ARHGAP26: variants seen among roughly 807,000 people sequenced by gnomAD.
ARHGAP26 encodes Rho GTPase activating protein 26, also known as rho GTPase-activating protein 26.
ARHGAP26 carries 38 observed loss-of-function variants against 104.8 expected under a neutral mutation model. That is an observed-to-expected ratio of 0.36 (90% CI 0.28 to 0.48). The LOEUF (loss-of-function observed/expected upper bound fraction) is 0.48. ARHGAP26 is among the 20% of genes least tolerant of loss of function. The probability of loss-of-function intolerance (pLI) is 0.99; values close to 1 mark genes in which losing one functional copy is unlikely to be tolerated. For missense variants in ARHGAP26, 704 were observed against 947.9 expected (o/e 0.74, Z 3.38); for synonymous variants, 341 against 340.0 (o/e 1.00, Z -0.03).
intron 17 of ARHGAP26, among the ~76,000 whole-genome samples, chr5:143,083,802 T>G (rs1790162235): frequency 1.3e-5 from 2 of 152,278 alleles, no homozygotes; most frequent in East Asian, 1.9e-4. Context: ...CCCAGCTGCT[T>G]TTTTATTTCT....
At chr5:143,140,023 C>G (rs1005203179) in intron 19 of ARHGAP26, among the ~76,000 whole-genome samples, 1 of 152,192 alleles carries the variant, frequency 6.6e-6, no homozygotes, top group Non-Finnish European at 1.5e-5. Flanking sequence ...AAATGCGTTT[C>G]TTGGAACAGT....
intron 18 of ARHGAP26, among the ~76,000 whole-genome samples, chr5:143,128,764 A>C (rs1406085538): frequency 6.6e-6 from 1 of 152,172 alleles, no homozygotes; most frequent in African/African-American, 2.4e-5. Context: ...ACCCTGGTAC[A>C]TTTGTGTCTC....
intron 20 of ARHGAP26, among the ~76,000 whole-genome samples, chr5:143,187,433 T>C (rs933405023): frequency 2.6e-5 from 4 of 152,200 alleles, no homozygotes; most frequent in Admixed American, 1.3e-4. Flanking sequence ...TTTCACCTGT[T>C]TCAACAGCTT....
Position 142,949,207 on chromosome 5 carries a change from GAGAGAGAGAGAGAGGAGAGAGAGAGGA to G in ARHGAP26, c.1107+17083_1107+17109del, listed in dbSNP as rs1562136689. Among the ~76,000 whole-genome samples the G allele has an allele frequency of 8.7e-5, 5 of 57,588 alleles. 1 individual carries two copies. Among genetic ancestry groups the G allele is most frequent in the African/African-American group, 7.5e-4 (5 of 6,636 alleles). 37.8% of individuals were successfully genotyped at this position (57,588 alleles called of 152,430 possible). A position where few individuals can be genotyped will look rare whatever the true frequency, so the allele number is the denominator to read the frequency against. On this transcript the variant is annotated intron_variant, in intron 11 of 22. Transcript: ENST00000645722. ...AGAGAGAGAGAGAGAGAGAGAGAGA[GAGAGAGAGAGAGAGGAGAGAGAGAGGA>G]GAGAGAGAGAGAGAGAGAGAGAGTT...
chr5:143,027,466 G>A (rs1031331654), intron 12 of ARHGAP26, among the ~76,000 whole-genome samples: 2 of 151,630 alleles, frequency 1.3e-5, no homozygotes, highest in Non-Finnish European at 2.9e-5. Context: ...TTCTGGGTAT[G>A]AGCCACTGCA....
chr5:143,011,444 C>T (rs1030442172), intron 11 of ARHGAP26, among the ~76,000 whole-genome samples: 1 of 151,604 alleles, frequency 6.6e-6, no homozygotes, highest in Non-Finnish European at 1.5e-5. Flanking sequence ...TCTAGTTCAT[C>T]TGTATCCCCA....
intron 5 of ARHGAP26, among the ~76,000 whole-genome samples, chr5:142,893,943 T>G (rs563598110): frequency 0.036 from 5,457 of 149,892 alleles, 104 homozygotes; most frequent in Middle Eastern, 0.055. Context: ...ATTTGTGGGT[T>G]TTTTTTTTTT....
At chr5:142,943,692 C>G (rs776786405) in intron 11 of ARHGAP26, among the ~76,000 whole-genome samples, 5 of 152,158 alleles carry the variant, frequency 3.3e-5, no homozygotes, top group Non-Finnish European at 5.9e-5. Flanking sequence ...ATTATTCTAA[C>G]TTCTTTATTA....
chr5:143,130,913 G>A (rs1437756600), intron 18 of ARHGAP26, among the ~76,000 whole-genome samples: 2 of 152,204 alleles, frequency 1.3e-5, no homozygotes, highest in Non-Finnish European at 2.9e-5. Context: ...ATAATCACAT[G>A]TCTGGCACTG....
chr5:143,105,838 T>G (rs1793937526), intron 17 of ARHGAP26, among the ~76,000 whole-genome samples: 1 of 152,230 alleles, frequency 6.6e-6, no homozygotes, highest in Middle Eastern at 3.2e-3. Flanking sequence ...ATTTATTAAC[T>G]CATTTCTTGA....
chr5:142,978,549 T>C (rs1194449019), intron 11 of ARHGAP26, among the ~76,000 whole-genome samples: 1 of 152,198 alleles, frequency 6.6e-6, no homozygotes, highest in Non-Finnish European at 1.5e-5. Context: ...CATCCCTGAC[T>C]ACTTAGAATA....
chr5:142,960,218 C>T (rs2152656371), intron 11 of ARHGAP26, among the ~76,000 whole-genome samples: 1 of 152,372 alleles, frequency 6.6e-6, no homozygotes, highest in Non-Finnish European at 1.5e-5. Flanking sequence ...TGTCCTTCCC[C>T]TGATGACAGA....
intron 1 of ARHGAP26, among the ~76,000 whole-genome samples, chr5:142,861,155 G>C (rs1753257880): frequency 6.6e-6 from 1 of 152,122 alleles, no homozygotes; most frequent in Admixed American, 6.5e-5. Context: ...TGGGGAGGCG[G>C]GGAGCCTGGG....
At chr5:142,847,456 C>G (rs1225385661) in intron 1 of ARHGAP26, among the ~76,000 whole-genome samples, 3 of 151,986 alleles carry the variant, frequency 2.0e-5, no homozygotes, top group Admixed American at 2.0e-4. Flanking sequence ...CTCCCGGGTT[C>G]AAGCCATTCT....
At chr5:143,100,218 C>T (rs1028575917) in intron 17 of ARHGAP26, among the ~76,000 whole-genome samples, 1 of 152,332 alleles carries the variant, frequency 6.6e-6, no homozygotes, top group East Asian at 1.9e-4. Context: ...TTCAGTATCA[C>T]AGCCACTTCT....
intron 12 of ARHGAP26, among the ~76,000 whole-genome samples, chr5:143,034,150 G>T (rs1344209381): frequency 6.6e-6 from 1 of 152,194 alleles, no homozygotes; most frequent in Non-Finnish European, 1.5e-5. Context: ...TTGCGGGTAG[G>T]AATGAAAACT....
chr5:143,226,672 C>G lies in ARHGAP26; in HGVS notation c.*4226C>G, dbSNP rs568243550. The stretch of plus-strand genomic sequence containing the variant: ...CTGCCTTGGTGTCCTAGAATTGGAG[C>G]CAGTCTTTAGCTTAATGTCTGAAGT... On this transcript the variant is annotated 3_prime_UTR_variant, in exon 23 of 23. Coordinates refer to ENST00000645722, the MANE Select transcript of ARHGAP26 (RefSeq NM_001135608.3). 8 of 214,090 alleles carry G rather than the reference C, an allele frequency of 3.7e-5. No homozygotes were observed. In the South Asian group the frequency reaches 5.6e-4, roughly 15 times the overall value. 13.3% of individuals were successfully genotyped at this position (214,090 alleles called of 1,614,324 possible). A position where few individuals can be genotyped will look rare whatever the true frequency, so the allele number is the denominator to read the frequency against.
chr5:143,181,181 A>G (rs1804289659), intron 20 of ARHGAP26, among the ~76,000 whole-genome samples: 1 of 152,136 alleles, frequency 6.6e-6, no homozygotes, highest in South Asian at 2.1e-4. Context: ...TCTACCATGC[A>G]AGCTTGAACA....
At chr5:142,986,476 A>G (rs1279705885) in intron 11 of ARHGAP26, among the ~76,000 whole-genome samples, 1 of 152,136 alleles carries the variant, frequency 6.6e-6, no homozygotes, top group Non-Finnish European at 1.5e-5. Flanking sequence ...CACTCTTATG[A>G]TAGTTCTCTT....
Sources: allele counts gnomAD v4.1 joint callset (sites outside exome capture counted in the v4.1 genomes callset), GRCh38; gene constraint gnomAD v4.1.1; transcripts MANE v1.5; gene names NCBI Gene and HGNC (gene_info 2026-07-23, HGNC 2026-07-21).